Variants in FAM24B observed in about 807,000 individuals in gnomAD.
FAM24B encodes the protein family with sequence similarity 24 member B.
In FAM24B, 3 loss-of-function variants were observed where a neutral mutation model predicts 2.3. The observed-to-expected ratio is 1.29, with a 90% CI of 0.59 to 3.32. FAM24B has a LOEUF of 3.32. Among genes scored for constraint, FAM24B ranks in the 30% most tolerant of loss-of-function variants. The probability of loss-of-function intolerance (pLI) is 0.03; values close to 1 mark genes in which losing one functional copy is unlikely to be tolerated. For synonymous variants in FAM24B, 36 were observed against 46.3 expected (o/e 0.78, Z 0.90); for missense variants, 98 against 117.2 (o/e 0.84, Z 0.76).
rs1429233908 is a variant in FAM24B, at chr10:122,849,311, T to C, written c.221A>G (p.Tyr74Cys). 2 of 1,609,264 alleles carry C rather than the reference T, an allele frequency of 1.2e-6. No individual in the cohort carries two copies. Among genetic ancestry groups the C allele is most frequent in the African/African-American group, 1.3e-5 (1 of 74,756 alleles). Residue 74 changes from tyrosine to cysteine, a missense_variant, in exon 4 of 4, where the codon TAT (tyrosine) becomes TGT (cysteine). By Grantham distance (194) the Tyr-to-Cys change is radical. Transcript: ENST00000368898. Reference protein sequence around the residue: ...SCPALQCCEGYRMCASFDSLP... With the variant: ...SCPALQCCEGCRMCASFDSLP... ...GGAATCAAAACTGGCACACATTCTA[T>C]ATCCTTCACAGCACTGCAGGGCAGG... is the stretch of plus-strand genomic sequence containing the variant.
chr10:122,878,977 T>C (rs1848026622), intron 1 of FAM24B, among the ~76,000 whole-genome samples: 1 of 152,164 alleles, frequency 6.6e-6, no homozygotes, highest in African/African-American at 2.4e-5. Flanking sequence ...ATGACTACAA[T>C]GGGCTGGGCA....
chr10:122,861,216 T>A (rs1328468790), intron 1 of FAM24B, among the ~76,000 whole-genome samples: 2 of 152,208 alleles, frequency 1.3e-5, no homozygotes, highest in African/African-American at 4.8e-5. Context: ...GAGGTATATG[T>A]TGAGGTTCAT....
intron 3 of FAM24B, among the ~76,000 whole-genome samples, chr10:122,849,835 T>C (rs1847498125): frequency 6.6e-6 from 1 of 152,002 alleles, no homozygotes; most frequent in African/African-American, 2.4e-5. Flanking sequence ...TAAAGGGTCT[T>C]CTCCCCAAAA....
intron 2 of FAM24B, among the ~76,000 whole-genome samples, chr10:122,852,855 G>A (rs1022087910): frequency 1.3e-5 from 2 of 152,172 alleles, no homozygotes; most frequent in African/African-American, 4.8e-5. Context: ...TATGGTGTTT[G>A]CCTAGAATGC....
chr10:122,856,433 T>G (rs971238042), intron 1 of FAM24B, among the ~76,000 whole-genome samples: 2 of 152,204 alleles, frequency 1.3e-5, no homozygotes, highest in African/African-American at 4.8e-5. Flanking sequence ...CTGTGGCTGC[T>G]GCAGCAAGGA....
intron 1 of FAM24B, among the ~76,000 whole-genome samples, chr10:122,868,194 G>T (rs983291020): frequency 4.6e-5 from 7 of 152,022 alleles, no homozygotes; most frequent in African/African-American, 1.7e-4. Context: ...GGGTATCAGC[G>T]ATGGAAGATG....
At chr10:122,879,313 G>T (rs1486705105) in intron 1 of FAM24B, among the ~76,000 whole-genome samples, 172 bp downstream of exon 1, 2 of 152,246 alleles carry the variant, frequency 1.3e-5, no homozygotes, top group African/African-American at 4.8e-5. Flanking sequence ...GAGAGGCAGG[G>T]AGAGTTCGGA....
At chr10:122,872,552 A>C (rs536498105) in intron 1 of FAM24B, among the ~76,000 whole-genome samples, 2 of 152,320 alleles carry the variant, frequency 1.3e-5, no homozygotes, top group East Asian at 3.9e-4. Flanking sequence ...TCCAACAATG[A>C]TAGACTGGAT....
chr10:122,860,024 A>G (rs1033490071), intron 1 of FAM24B, among the ~76,000 whole-genome samples: 4 of 151,180 alleles, frequency 2.6e-5, no homozygotes, highest in African/African-American at 9.8e-5. Context: ...CCTTCCACCA[A>G]CATTTTGGTC....
In FAM24B at chr10:122,849,217, A is replaced by G. The variant is rs773625676; in HGVS notation, c.*30T>C. ...AACAATCTACTAAGAAGTATTGCTCATGAAGATTTTTGTGCCCACCTTTCC... is the reference window on the plus strand; with the variant it reads ...AACAATCTACTAAGAAGTATTGCTCGTGAAGATTTTTGTGCCCACCTTTCC... On this transcript the variant is annotated 3_prime_UTR_variant, in exon 4 of 4. Coordinates refer to ENST00000368898, the MANE Select transcript of FAM24B (RefSeq NM_152644.3). 2.0e-6 allele frequency: 3 copies of G among 1,492,804 alleles called. No homozygotes were observed. The highest frequency in any genetic ancestry group is 2.7e-6 in the Non-Finnish European group (3 of 1,110,314). 92.5% of individuals were successfully genotyped at this position (1,492,804 alleles called of 1,614,324 possible).
At chr10:122,858,434 A>G (rs988258606) in intron 1 of FAM24B, among the ~76,000 whole-genome samples, 2 of 151,736 alleles carry the variant, frequency 1.3e-5, no homozygotes, top group African/African-American at 4.8e-5. Flanking sequence ...GGATAGCATT[A>G]GGAGATATAC....
intron 1 of FAM24B, among the ~76,000 whole-genome samples, chr10:122,871,041 CG>C (rs1847889701): frequency 6.6e-6 from 1 of 152,166 alleles, no homozygotes; most frequent in Non-Finnish European, 1.5e-5. Context: ...AAAACCCCAT[CG>C]TCTCAGCTCA....
chr10:122,867,644 G>T (rs988828812), intron 1 of FAM24B, among the ~76,000 whole-genome samples: 1 of 152,220 alleles, frequency 6.6e-6, no homozygotes, highest in Non-Finnish European at 1.5e-5. Flanking sequence ...AATATCCGCT[G>T]TTCTGCAGCC....
rs1847512172 is a variant in FAM24B at position 122,850,490 on chromosome 10, AG to A, written c.25del (p.Leu9TrpfsTer7). On this transcript the variant is annotated frameshift_variant, in exon 3 of 4. Coordinates refer to ENST00000368898, the MANE Select transcript of FAM24B (RefSeq NM_152644.3). LOFTEE classifies it high-confidence loss of function. The part of the protein sequence containing the change: MPVIAGGI[L>X]AALLLLIVVV... ...AACTATCAGCAGGAGCAAGGCCGCC[AG>A]GATACCACCAGCGATGACAGGCATA... 3.1e-6 allele frequency: 5 copies of A among 1,614,042 alleles called. No homozygotes were observed. The highest frequency in any genetic ancestry group is 4.2e-6 in the Non-Finnish European group (5 of 1,179,872).
intron 2 of FAM24B, among the ~76,000 whole-genome samples, chr10:122,851,205 A>C (rs930715039): frequency 3.3e-4 from 50 of 152,228 alleles, no homozygotes; most frequent in African/African-American, 1.2e-3. Context: ...AAGAATAAAC[A>C]ATCTGATTGC....
At chr10:122,871,544 G>A (rs6599634) in intron 1 of FAM24B, among the ~76,000 whole-genome samples, 79,798 of 150,446 alleles carry the variant, frequency 0.53, 21,455 homozygotes, top group Non-Finnish European at 0.56. Flanking sequence ...CTATACTACA[G>A]GGCTACAGTA....
intron 1 of FAM24B, among the ~76,000 whole-genome samples, chr10:122,860,494 T>C (rs1423668130): frequency 6.6e-6 from 1 of 152,222 alleles, no homozygotes; most frequent in Non-Finnish European, 1.5e-5. Flanking sequence ...TACCAGTTTT[T>C]GTGTGAATGT....
At chr10:122,867,306 G>C (rs1847818132) in intron 1 of FAM24B, among the ~76,000 whole-genome samples, 1 of 152,202 alleles carries the variant, frequency 6.6e-6, no homozygotes, top group African/African-American at 2.4e-5. Flanking sequence ...GATTGAACTG[G>C]GTGGAGTCCA....
At chr10:122,869,207 A>C (rs1236671800) in intron 1 of FAM24B, among the ~76,000 whole-genome samples, 2 of 152,218 alleles carry the variant, frequency 1.3e-5, no homozygotes. Context: ...ATAATGGTAA[A>C]GGGATCAATT....
Sources: allele counts gnomAD v4.1 joint callset (sites outside exome capture counted in the v4.1 genomes callset), GRCh38; gene constraint gnomAD v4.1.1; transcripts MANE v1.5; gene names NCBI Gene and HGNC (gene_info 2026-07-23, HGNC 2026-07-21).